Variants in EPHA5 observed in about 807,000 individuals in gnomAD.
The protein encoded by EPHA5 is EPH receptor A5, also known as ephrin type-A receptor 5.
Under a neutral mutation model 105.0 loss-of-function variants are expected in EPHA5, and 60 were observed. That is an observed-to-expected ratio of 0.57 (90% CI 0.46 to 0.71). EPHA5 has a LOEUF of 0.71. EPHA5 is among the 30% of genes least tolerant of loss of function. The pLI, the probability that EPHA5 is intolerant of heterozygous loss-of-function variation, is 0.00. For synonymous variants in EPHA5, 513 were observed against 449.1 expected, an observed-to-expected ratio of 1.14 and a Z score of -1.80; for missense variants, 1,218 against 1,274.7, an observed-to-expected ratio of 0.96 and a Z score of 0.68.
intron 7 of EPHA5, among the ~76,000 whole-genome samples, chr4:65,407,509 A>AC (rs1722473594): frequency 4.3e-5 from 2 of 46,876 alleles, no homozygotes; most frequent in South Asian, 3.5e-3. Context: ...AAGACTGTTA[A>AC]AATGCTAAGA....
At chr4:65,389,584 A>G (rs1720498177) in intron 8 of EPHA5, among the ~76,000 whole-genome samples, 1 of 152,062 alleles carries the variant, frequency 6.6e-6, no homozygotes, top group Non-Finnish European at 1.5e-5. Flanking sequence ...TGGATAATAG[A>G]TTATTTGGTC....
chr4:65,533,117 C>T (rs1333300032), intron 3 of EPHA5, among the ~76,000 whole-genome samples: 2 of 152,024 alleles, frequency 1.3e-5, no homozygotes, highest in Admixed American at 6.6e-5. Context: ...TAATCCAGGT[C>T]CTCATTCTAA....
intron 3 of EPHA5, among the ~76,000 whole-genome samples, chr4:65,554,258 T>C (rs1738191170): frequency 6.7e-6 from 1 of 148,766 alleles, no homozygotes; most frequent in Non-Finnish European, 1.5e-5. Context: ...TATATATAAT[T>C]ATATGTTATA....
rs1560492450 is a variant in EPHA5, at chr4:65,397,128, G to A, written c.1793+7246C>T. ...AATGGGGACCACTGAAGACCAGACT[G>A]TCCTTGGAGACAGGTCACTGCGTCC... On this transcript the variant is annotated intron_variant, in intron 8 of 16. Coordinates refer to ENST00000613740, the MANE Select transcript of EPHA5 (RefSeq NM_001281766.3). Among the ~76,000 whole-genome samples the A allele has an allele frequency of 2.6e-5, 4 of 152,358 alleles. No homozygotes were observed. The South Asian group carries it at 8.3e-4, about 32-fold the overall frequency.
At chr4:65,453,685 G>C (rs1727284839) in intron 5 of EPHA5, among the ~76,000 whole-genome samples, 1 of 152,144 alleles carries the variant, frequency 6.6e-6, no homozygotes. Flanking sequence ...CCCCCGACCA[G>C]TGCTAGTAGT....
At chr4:65,385,059 A>G (rs1719948386) in intron 8 of EPHA5, among the ~76,000 whole-genome samples, 2 of 151,792 alleles carry the variant, frequency 1.3e-5, no homozygotes, top group African/African-American at 4.8e-5. Flanking sequence ...AATTATTTTG[A>G]GAAAAGGAGA....
In EPHA5 at chr4:65,634,288, A is replaced by T. The variant is rs536439396; in HGVS notation, c.246+9075T>A. Among the ~76,000 whole-genome samples the T allele has an allele frequency of 3.4e-4, 51 of 152,236 alleles. 2 individuals carry two copies. In the South Asian group the frequency reaches 9.9e-3, roughly 30 times the overall value. On this transcript the variant is annotated intron_variant, in intron 2 of 16. Transcript: ENST00000613740. Reference sequence around the variant, plus strand: ...ATATAACCAGGGTAAACACAGTGATACCTAATGAAGCTAATGAACAAATAA... The same window carrying T: ...ATATAACCAGGGTAAACACAGTGATTCCTAATGAAGCTAATGAACAAATAA...
intron 5 of EPHA5, among the ~76,000 whole-genome samples, chr4:65,464,450 A>G (rs1728423479): frequency 6.6e-6 from 1 of 152,158 alleles, no homozygotes; most frequent in African/African-American, 2.4e-5. Context: ...AACCTACTTT[A>G]ATCTAAATAG....
At chr4:65,387,443 C>T (rs1283980705) in intron 8 of EPHA5, among the ~76,000 whole-genome samples, 2 of 151,960 alleles carry the variant, frequency 1.3e-5, no homozygotes, top group African/African-American at 2.4e-5. Context: ...AAGGCTTAGG[C>T]AGAAAGATAC....
intron 8 of EPHA5, among the ~76,000 whole-genome samples, chr4:65,391,187 A>C (rs1720681357): frequency 6.6e-6 from 1 of 152,076 alleles, no homozygotes; most frequent in Non-Finnish European, 1.5e-5. Context: ...CTCCTTTGAC[A>C]TGAGGTGATT....
intron 3 of EPHA5, among the ~76,000 whole-genome samples, chr4:65,496,811 G>T (rs961026913): frequency 6.6e-6 from 1 of 152,140 alleles, no homozygotes; most frequent in South Asian, 2.1e-4. Flanking sequence ...ACCACAAAAG[G>T]CGTTCAAAGA....
rs1268790168 is a variant in EPHA5, at chr4:65,335,978, T to G, written c.2743A>C (p.Ile915Leu). 4 of 1,612,956 alleles carry G rather than the reference T, an allele frequency of 2.5e-6. No individual in the cohort carries two copies. The highest frequency in any genetic ancestry group is 3.4e-6 in the Non-Finnish European group (4 of 1,179,434). Residue 915 changes from isoleucine (I) to leucine (L), a missense_variant, in exon 15 of 17, where the codon ATA becomes CTA. Around this residue, in one of 3 missense-constraint regions of EPHA5, gnomAD observed 971 missense variants for 1,013.5 expected, o/e 0.96. Transcript: ENST00000613740. ...DEIVNMLDKL[I>L]RNPSSLKTLV... is the part of the protein sequence containing the mutation. ...GTCTTCAGACTACTTGGGTTACGTATCAGCTTGTCCAACATGTTGACTATT... is the reference window on the plus strand; with the variant it reads ...GTCTTCAGACTACTTGGGTTACGTAGCAGCTTGTCCAACATGTTGACTATT...
chr4:65,461,122 C>T (rs913543576), intron 5 of EPHA5, among the ~76,000 whole-genome samples: 3 of 151,836 alleles, frequency 2.0e-5, no homozygotes, highest in African/African-American at 7.2e-5. Flanking sequence ...TGAAATCTGT[C>T]TTCACCTAAC....
intron 3 of EPHA5, among the ~76,000 whole-genome samples, chr4:65,499,829 C>CTT (rs11327571): frequency 1.6e-4 from 23 of 146,494 alleles, no homozygotes; most frequent in South Asian, 6.4e-4. Flanking sequence ...AATGTATAAT[C>CTT]TTTTTTTTTT....
intron 11 of EPHA5, among the ~76,000 whole-genome samples, chr4:65,361,463 T>C (rs746085826): frequency 8.6e-5 from 13 of 151,634 alleles, no homozygotes; most frequent in Non-Finnish European, 1.5e-4. Flanking sequence ...TGATGAAGCA[T>C]GACAGGAAAG....
Position 65,351,720 on chromosome 4 carries a change from A to G in EPHA5, c.2236-122T>C, listed in dbSNP as rs565669347. The G allele has an allele frequency of 2.1e-5, 17 of 801,610 alleles. No individual in the cohort carries two copies. In the African/African-American group the frequency reaches 2.8e-4, roughly 13 times the overall value. The allele number at this position is 801,610 out of a possible 1,614,324, so 49.7% of individuals were successfully genotyped here. On this transcript the variant is annotated intron_variant, in intron 12 of 16. Coordinates refer to ENST00000613740, the MANE Select transcript of EPHA5 (RefSeq NM_001281766.3). ...TCGCTAAAATTCATATGCAATTTCT[A>G]TCTGAAGGAGATTGGAAAATGGTAG...
chr4:65,335,665 T>A (rs1040943749), intron 15 of EPHA5, among the ~76,000 whole-genome samples: 2 of 148,996 alleles, frequency 1.3e-5, no homozygotes, highest in African/African-American at 4.9e-5. Flanking sequence ...AATTTTTTTT[T>A]ATGCTACCTG....
chr4:65,500,865 T>C (rs1432021764), intron 3 of EPHA5, among the ~76,000 whole-genome samples: 1 of 150,870 alleles, frequency 6.6e-6, no homozygotes, highest in African/African-American at 2.4e-5. Flanking sequence ...TAAAGGAAAT[T>C]GAGTTAAAAA....
intron 8 of EPHA5, among the ~76,000 whole-genome samples, chr4:65,389,147 TTTTCC>T (rs571660891): frequency 9.2e-5 from 14 of 152,146 alleles, no homozygotes; most frequent in African/African-American, 3.4e-4. Flanking sequence ...TTCCTTATAT[TTTTCC>T]TTGCAGCAAA....
Sources: gnomAD v4.1 joint callset for allele counts (sites outside exome capture counted in the v4.1 genomes callset) on GRCh38, gnomAD v4.1.1 for gene constraint, gnomAD v4.1.1 regional missense constraint, MANE v1.5 for transcripts, NCBI Gene and HGNC (gene_info 2026-07-23, HGNC 2026-07-21) for gene names.